The following CALM2 variants were observed in gnomAD, a reference collection of about 807,000 sequenced individuals.
The protein encoded by CALM2 is calmodulin 2.
A neutral mutation model predicts 19.8 loss-of-function variants in CALM2; 2 were observed. That is an observed-to-expected ratio of 0.10 (90% confidence interval 0.04 to 0.32). The LOEUF (loss-of-function observed/expected upper bound fraction) is 0.32. Ranked by LOEUF, CALM2 falls within the 10% of genes least tolerant of loss-of-function variation. CALM2 has a pLI of 1.00. For synonymous variants in CALM2, 51 were observed against 52.1 expected, an observed-to-expected ratio of 0.98 and a Z score of 0.09; for missense variants, 38 against 178.7, an observed-to-expected ratio of 0.21 and a Z score of 4.49.
intron 1 of CALM2, 168 bp downstream of exon 1, chr2:47,176,273 G>C (rs573171437): frequency 1.4e-6 from 1 of 731,716 alleles, no homozygotes; most frequent in Admixed American, 2.7e-5. Context: ...GGGTGGGGGA[G>C]CACCTGCGAC....
chr2:47,172,223 T>C (rs1666693018), intron 1 of CALM2: 2 of 307,210 alleles, frequency 6.5e-6, no homozygotes, highest in South Asian at 2.7e-5. Context: ...CTTCAGTTTA[T>C]TGCATTTTGC....
intron 1 of CALM2, among the ~76,000 whole-genome samples, chr2:47,175,081 G>GTTTTTTTTTTTTTTTTTTTTTTTTTTT (rs563702873): frequency 1.3e-5 from 1 of 77,964 alleles, no homozygotes. Flanking sequence ...CTCATTAGGT[G>GTTTTTTTTTTTTTTTTTTTTTTTTTTT]TTTTTTTTTT....
At chr2:47,173,418 T>C (rs2103851053) in intron 1 of CALM2, 1 of 152,342 alleles carries the variant, frequency 6.6e-6, no homozygotes, top group South Asian at 2.1e-4. Context: ...CCCACTGCTC[T>C]TGCCACTCCA....
At chr2:47,176,598 C>G, upstream of CALM2, 2 of 1,536,594 alleles carry the variant, frequency 1.3e-6, no homozygotes, top group South Asian at 2.4e-5. Context: ...ACATCGCAAA[C>G]GAGTCCCGGC....
At chr2:47,171,695 G>A (rs1009015030) in intron 1 of CALM2, 19 of 152,190 alleles carry the variant, frequency 1.2e-4, no homozygotes, top group South Asian at 2.1e-4. Flanking sequence ...AACTGCTTAT[G>A]GGGTATTGAG....
At chr2:47,161,628 G>GGA in intron 5 of CALM2, 95 bp downstream of exon 5, 1 of 1,177,716 alleles carries the variant, frequency 8.5e-7, no homozygotes, top group African/African-American at 1.6e-5. Context: ...CCTAATTTCA[G>GGA]GGGAAGGGTC....
At position 47,160,562 on chromosome 2, in the gene CALM2, C is replaced by T. The variant is rs559669117; in HGVS notation, c.*214G>A. 30 of 439,106 alleles carry T rather than the reference C, an allele frequency of 6.8e-5. 1 individual carries two copies. Among genetic ancestry groups the T allele is most frequent in the African/African-American group, 5.9e-4 (29 of 48,740 alleles). 27.2% of individuals were successfully genotyped at this position (439,106 alleles called of 1,614,324 possible). A position where few individuals can be genotyped will look rare whatever the true frequency, so the allele number is the denominator to read the frequency against. ...GCTTAGATATATCCAGAGTAAGCCA[C>T]ATGCAACATGTTACTTGATCAATTT... On this transcript the variant is annotated 3_prime_UTR_variant, in exon 6 of 6. Coordinates refer to ENST00000272298, the MANE Select transcript of CALM2 (RefSeq NM_001743.6).
At chr2:47,176,125 T>G in intron 1 of CALM2, 1 of 385,604 alleles carries the variant, frequency 2.6e-6, no homozygotes, top group Non-Finnish European at 4.7e-6. Flanking sequence ...TCCTTCACTT[T>G]CTCTCCTTCC....
At chr2:47,165,411 C>T (rs1051412025) in intron 2 of CALM2, among the ~76,000 whole-genome samples, 1 of 152,092 alleles carries the variant, frequency 6.6e-6, no homozygotes, top group Admixed American at 6.6e-5. Flanking sequence ...CACCTGGTCA[C>T]CCCCCATAAA....
chr2:47,176,240 G>A (rs999409253), intron 1 of CALM2: 5 of 610,518 alleles, frequency 8.2e-6, no homozygotes, highest in Non-Finnish European at 1.4e-5. Context: ...ACTCACTAGA[G>A]GAAGCCCCCC....
rs2103823534 is a variant in CALM2, at chr2:47,161,727, A to G, written c.417T>C (p.Tyr139=). ...ADIDGDGQVN[Y]EEFVQMMTAK is the part of the protein sequence containing the mutation. ...GCGTGAGACTGAAACATTTACCTTC[A>G]TAGTTTACTTGACCATCACCATCAA... The change falls in exon 5 of 6, where the codon TAT becomes TAC. Residue 139 remains tyrosine (Y), a synonymous_variant. Coordinates refer to ENST00000272298, the MANE Select transcript of CALM2 (RefSeq NM_001743.6). 7 of 1,610,486 alleles carry G rather than the reference A, an allele frequency of 4.3e-6. No homozygotes were observed. In the South Asian group the frequency reaches 5.5e-5, roughly 13 times the overall value.
chr2:47,172,166 T>C (rs1666691147), intron 1 of CALM2: 1 of 206,608 alleles, frequency 4.8e-6, no homozygotes, highest in Admixed American at 5.4e-5. Context: ...AGGTTTAAAA[T>C]CCAGTAAATC....
At position 47,161,701 on chromosome 2, in the gene CALM2, G is replaced by A. The variant is rs367611069; in HGVS notation, c.421+22C>T. 23 of 1,598,550 alleles carry A rather than the reference G, an allele frequency of 1.4e-5. No homozygotes were observed. The East Asian group carries it at 4.1e-4, about 28-fold the overall frequency. On this transcript the variant is annotated intron_variant, in intron 5 of 5. Transcript: ENST00000272298. ...TCTTAAAAATCAAAGTGAAGAATGA[G>A]GCGTGAGACTGAAACATTTACCTTC...
chr2:47,169,550 G>A (rs1486513460), intron 2 of CALM2, among the ~76,000 whole-genome samples: 4 of 151,946 alleles, frequency 2.6e-5, no homozygotes, highest in African/African-American at 7.3e-5. Context: ...TTTGCTTTTT[G>A]TTCATAACAG....
chr2:47,176,270 G>A (rs879329263), intron 1 of CALM2, 171 bp downstream of exon 1: 15 of 719,774 alleles, frequency 2.1e-5, no homozygotes, highest in Non-Finnish European at 3.4e-5. Context: ...TGGGGGTGGG[G>A]GAGCACCTGC....
In CALM2 at chr2:47,170,347, CT is replaced by C. The variant is rs527386385; in HGVS notation, c.34+386del. ...TTAACTAGGGTAAATTCAATTGTTCCTTTTTTGATTCTCCATTTCAAGTTGC... is the reference window on the plus strand; with the variant it reads ...TTAACTAGGGTAAATTCAATTGTTCCTTTTTGATTCTCCATTTCAAGTTGC... On this transcript the variant is annotated intron_variant, in intron 2 of 5. Transcript: ENST00000272298. Among the ~76,000 whole-genome samples, 328 of 152,150 alleles carry C rather than the reference CT, an allele frequency of 2.2e-3. 2 individuals carry two copies. The highest frequency in any genetic ancestry group is 7.6e-3 in the African/African-American group (317 of 41,494).
At chr2:47,174,325 CA>C (rs1666774152) in intron 1 of CALM2, 1 of 152,074 alleles carries the variant, frequency 6.6e-6, no homozygotes, top group Non-Finnish European at 1.5e-5. Flanking sequence ...GATCATAGCT[CA>C]CTACAGTCTC....
chr2:47,176,810 G>A (rs1322259985), upstream of CALM2: 1 of 985,420 alleles, frequency 1.0e-6, no homozygotes, highest in Non-Finnish European at 1.2e-6. Context: ...TGCGTCCCCC[G>A]TTGGTCGTTG....
chr2:47,162,434 A>G, intron 3 of CALM2, 42 bp from the exon 4 acceptor site: 1 of 1,607,268 alleles, frequency 6.2e-7, no homozygotes, highest in Non-Finnish European at 8.5e-7. Flanking sequence ...TAGTGGAAAC[A>G]TATAAGCAAA....
Sources: gnomAD v4.1 joint callset for allele counts (sites outside exome capture counted in the v4.1 genomes callset) on GRCh38, gnomAD v4.1.1 for gene constraint, MANE v1.5 for transcripts, NCBI Gene and HGNC (gene_info 2026-07-23, HGNC 2026-07-21) for gene names.